Variants in AP5Z1 observed in about 807,000 individuals in gnomAD.
The protein encoded by AP5Z1 is adaptor related protein complex 5 subunit zeta 1.
A neutral mutation model predicts 83.0 loss-of-function variants in AP5Z1; 106 were observed. That is an observed-to-expected ratio of 1.28 (90% CI 1.09 to 1.50). The LOEUF (loss-of-function observed/expected upper bound fraction) is 1.50, where lower values mean the gene tolerates loss of function less well. AP5Z1 is among the 40% of genes most tolerant of loss of function. The pLI, the probability that AP5Z1 is intolerant of heterozygous loss-of-function variation, is 0.00. For synonymous variants in AP5Z1, 751 were observed against 514.1 expected (o/e 1.46, Z -6.23); for missense variants, 1,565 against 1,094.2 (o/e 1.43, Z -6.07).
rs527265726 is a variant in AP5Z1 at position 4,779,481 on chromosome 7, TA to T, written c.42-1693del. Among the ~76,000 whole-genome samples the T allele has an allele frequency of 3.0e-3, 425 of 143,696 alleles. 1 individual carries two copies. The highest frequency in any genetic ancestry group is 9.9e-3 in the African/African-American group (377 of 38,210). 94.3% of individuals were successfully genotyped at this position (143,696 alleles called of 152,430 possible). ...ACATATATATTATATTATATATATA[TA>T]TTTTTTTTTGAAGTAGAGTCTTACT... On this transcript the variant is annotated intron_variant, in intron 1 of 16. Coordinates refer to ENST00000649063, the MANE Select transcript of AP5Z1 (RefSeq NM_014855.3).
chr7:4,785,929 C>T (rs1299960392), intron 9 of AP5Z1, among the ~76,000 whole-genome samples: 1 of 152,086 alleles, frequency 6.6e-6, no homozygotes, highest in Non-Finnish European at 1.5e-5. Flanking sequence ...TGATGGATTG[C>T]TGTGCCAGAT....
At chr7:4,776,544 A>C (rs1781232309) in intron 1 of AP5Z1, among the ~76,000 whole-genome samples, 2 of 141,816 alleles carry the variant, frequency 1.4e-5, no homozygotes, top group Non-Finnish European at 3.0e-5. Context: ...TGAGGAAACC[A>C]CGTCTCTACT....
intron 11 of AP5Z1, 128 bp downstream of exon 11, chr7:4,787,904 GTCC>G (rs1781605614): frequency 8.0e-7 from 1 of 1,256,650 alleles, no homozygotes. Flanking sequence ...CACCTGACCA[GTCC>G]TCCCCTGCAA....
chr7:4,791,109 C>T lies in AP5Z1; in HGVS notation c.2154-6C>T, dbSNP rs369683821. On this transcript the variant is annotated splice_polypyrimidine_tract_variant and splice_region_variant and intron_variant, in intron 16 of 16. Transcript: ENST00000649063. ...TGCAGCTGACGGAGGGACCTTCTTTCCCCAGGGCCTCTTTATTGCTGTCAA... is the reference window on the plus strand; with the variant it reads ...TGCAGCTGACGGAGGGACCTTCTTTTCCCAGGGCCTCTTTATTGCTGTCAA... 1.3e-6 allele frequency: 2 copies of T among 1,578,606 alleles called. No individual in the cohort carries two copies. The highest frequency in any genetic ancestry group is 8.6e-7 in the Non-Finnish European group (1 of 1,161,652).
intron 1 of AP5Z1, among the ~76,000 whole-genome samples, chr7:4,778,125 T>C (rs1781274433): frequency 6.6e-6 from 1 of 152,188 alleles, no homozygotes; most frequent in Non-Finnish European, 1.5e-5. Context: ...CTCAGGAGGC[T>C]GAGGCAGGAG....
intron 1 of AP5Z1, 68 bp downstream of exon 1, chr7:4,775,824 T>G: frequency 6.4e-7 from 1 of 1,572,172 alleles, no homozygotes; most frequent in South Asian, 1.1e-5. Context: ...GGGGTGGGTC[T>G]CACAGGGCAG....
At chr7:4,787,948 C>T (rs973999889) in intron 11 of AP5Z1, among the ~76,000 whole-genome samples, 172 bp downstream of exon 11, 4 of 152,158 alleles carry the variant, frequency 2.6e-5, no homozygotes, top group East Asian at 3.9e-4. Flanking sequence ...GTGTCTGTCA[C>T]CCTTGGCCAC....
chr7:4,789,498 G>A (rs1042001804), intron 13 of AP5Z1, among the ~76,000 whole-genome samples: 1 of 152,246 alleles, frequency 6.6e-6, no homozygotes, highest in African/African-American at 2.4e-5. Flanking sequence ...AGGAGAGCCT[G>A]GGAGGTGGGG....
intron 3 of AP5Z1, 128 bp from the exon 4 acceptor site, chr7:4,783,188 C>T (rs1781430885): frequency 7.2e-7 from 1 of 1,391,346 alleles, no homozygotes; most frequent in African/African-American, 1.5e-5. Context: ...GGACATCCTC[C>T]CTGCCACCTG....
In AP5Z1 at chr7:4,791,637, G is replaced by C; in HGVS notation, c.*252G>C. 1 of 551,264 alleles carries C rather than the reference G, an allele frequency of 1.8e-6. No homozygotes were observed. The highest frequency in any genetic ancestry group is 3.1e-5 in the South Asian group (1 of 32,576). The allele number at this position is 551,264 out of a possible 1,614,324, so 34.1% of individuals were successfully genotyped here. On this transcript the variant is annotated 3_prime_UTR_variant, in exon 17 of 17. Transcript: ENST00000649063. ...GGGTGCCATGGAGCGGCTCTGATTGGAGGCTTGAGGCCCTGTGGCTGGGTC... is the reference window on the plus strand; with the variant it reads ...GGGTGCCATGGAGCGGCTCTGATTGCAGGCTTGAGGCCCTGTGGCTGGGTC...
chr7:4,785,693 A>T lies in AP5Z1; in HGVS notation c.1132+9A>T. 6.6e-7 allele frequency: 1 copy of T among 1,508,836 alleles called. No homozygotes were observed. 93.5% of individuals were successfully genotyped at this position (1,508,836 alleles called of 1,614,324 possible). On this transcript the variant is annotated intron_variant, in intron 9 of 16. Transcript: ENST00000649063. ...CTTCTTCCTGAGCCACGGTGAGCCC[A>T]GGGTGGGGTGGCGCTGACTCGGGGC... is the stretch of plus-strand genomic sequence containing the variant.
At chr7:4,788,754 C>G in intron 12 of AP5Z1, 86 bp from the exon 13 acceptor site, 1 of 1,200,840 alleles carries the variant, frequency 8.3e-7, no homozygotes, top group Non-Finnish European at 1.2e-6. Flanking sequence ...CTCAGCTGTG[C>G]GAGAGGGAGC....
intron 1 of AP5Z1, among the ~76,000 whole-genome samples, chr7:4,779,806 A>G (rs1781332036): frequency 6.7e-6 from 1 of 150,170 alleles, no homozygotes; most frequent in Non-Finnish European, 1.5e-5. Context: ...ACGCCCAGCT[A>G]TTTTTTTTTG....
At chr7:4,788,675 C>A in intron 12 of AP5Z1, 165 bp from the exon 13 acceptor site, 2 of 619,022 alleles carry the variant, frequency 3.2e-6, no homozygotes, top group Non-Finnish European at 5.4e-6. Flanking sequence ...GGTGTGCTGA[C>A]GCCAGGGGTC....
chr7:4,775,633 C>G lies in AP5Z1; in HGVS notation c.-83C>G. ...CCGCTGCGCTCACGTGACGCGGTCC[C>G]GGAAGTTGACCGGGGTGCGGAGCTC... On this transcript the variant is annotated 5_prime_UTR_variant, in exon 1 of 17. Coordinates refer to ENST00000649063, the MANE Select transcript of AP5Z1 (RefSeq NM_014855.3). The G allele has an allele frequency of 6.3e-7, 1 of 1,581,956 alleles. No individual in the cohort carries two copies. The highest frequency in any genetic ancestry group is 1.1e-5 in the South Asian group (1 of 89,098).
chr7:4,781,998 G>A (rs552044836), intron 3 of AP5Z1, among the ~76,000 whole-genome samples: 4 of 152,244 alleles, frequency 2.6e-5, no homozygotes, highest in African/African-American at 9.6e-5. Context: ...TTCTCAGACA[G>A]AGCCTTGAGA....
At chr7:4,778,786 A>G (rs974698312) in intron 1 of AP5Z1, among the ~76,000 whole-genome samples, 3 of 145,700 alleles carry the variant, frequency 2.1e-5, no homozygotes, top group Non-Finnish European at 4.5e-5. Context: ...ATTTAGTAAT[A>G]TATAATATAA....
chr7:4,781,381 C>T (rs1236978142), intron 2 of AP5Z1, 69 bp downstream of exon 2: 9 of 1,602,758 alleles, frequency 5.6e-6, no homozygotes, highest in Non-Finnish European at 7.7e-6. Context: ...CCACGCCCAG[C>T]AGGTCACTGC....
In AP5Z1 at chr7:4,781,430, C is replaced by G. The variant is rs566429395; in HGVS notation, c.179+118C>G. Reference sequence around the variant, plus strand: ...GGGTTGAGTCATTTGTCCACTTAAACCAGTGCTGAAGGTCCATCCTCATGT... The same window carrying G: ...GGGTTGAGTCATTTGTCCACTTAAAGCAGTGCTGAAGGTCCATCCTCATGT... On this transcript the variant is annotated intron_variant, in intron 2 of 16. Transcript: ENST00000649063. The G allele has an allele frequency of 2.6e-5, 40 of 1,555,030 alleles. 2 individuals are homozygous for G. The African/African-American group carries it at 2.7e-4, about 11-fold the overall frequency.
Sources: allele counts gnomAD v4.1 joint callset (sites outside exome capture counted in the v4.1 genomes callset), GRCh38; gene constraint gnomAD v4.1.1; transcripts MANE v1.5; gene names NCBI Gene and HGNC (gene_info 2026-07-23, HGNC 2026-07-21).